The following CNTNAP5 variants were observed in gnomAD, a reference collection of about 807,000 sequenced individuals.
CNTNAP5 encodes contactin associated protein family member 5.
Under a neutral mutation model 150.2 loss-of-function variants are expected in CNTNAP5, and 72 were observed. That is an observed-to-expected ratio of 0.48 (90% CI 0.40 to 0.58). The LOEUF (loss-of-function observed/expected upper bound fraction) is 0.58, where lower values mean the gene tolerates loss of function less well. Among genes scored for constraint, CNTNAP5 ranks in the 20% least tolerant of loss-of-function variants. The pLI, the probability that CNTNAP5 is intolerant of heterozygous loss-of-function variation, is 0.00. For synonymous variants in CNTNAP5, 672 were observed against 619.8 expected, an observed-to-expected ratio of 1.08 and a Z score of -1.25; for missense variants, 1,636 against 1,626.2, an observed-to-expected ratio of 1.01 and a Z score of -0.10.
intron 6 of CNTNAP5, among the ~76,000 whole-genome samples, chr2:124,464,496 A>G (rs185745334): frequency 6.6e-6 from 1 of 152,302 alleles, no homozygotes; most frequent in Non-Finnish European, 1.5e-5. Flanking sequence ...CGAAGCAAAA[A>G]TAAGGCATGA....
intron 13 of CNTNAP5, among the ~76,000 whole-genome samples, chr2:124,734,045 A>G (rs1468363663): frequency 2.0e-4 from 30 of 152,162 alleles, no homozygotes; most frequent in Admixed American, 1.8e-3. Context: ...CGTTTGAGGT[A>G]CTCATGGAGC....
chr2:124,571,484 T>C lies in CNTNAP5; in HGVS notation c.1756+8161T>C, dbSNP rs1030778950. Among the ~76,000 whole-genome samples, 6 of 150,892 alleles carry C rather than the reference T, an allele frequency of 4.0e-5. No individual in the cohort carries two copies. The East Asian group carries it at 1.2e-3, about 30-fold the overall frequency. On this transcript the variant is annotated intron_variant, in intron 11 of 23. Coordinates refer to ENST00000682447, the MANE Select transcript of CNTNAP5 (RefSeq NM_001367498.1). ...CAGGAATAGACTATTCACAGAGATG[T>C]CTAGGTACATGGTATCCCACTGAGT... is the stretch of plus-strand genomic sequence containing the variant.
chr2:124,841,904 A>G (rs1682952384), intron 19 of CNTNAP5, among the ~76,000 whole-genome samples: 1 of 152,068 alleles, frequency 6.6e-6, no homozygotes, highest in African/African-American at 2.4e-5. Flanking sequence ...GTGACCCAAT[A>G]TTTCTGTAAA....
intron 13 of CNTNAP5, among the ~76,000 whole-genome samples, chr2:124,740,519 A>T (rs897638212): frequency 1.3e-5 from 2 of 152,184 alleles, no homozygotes; most frequent in African/African-American, 4.8e-5. Context: ...TTGGGTTTAT[A>T]TAAATCACAT....
At chr2:124,433,635 TA>T (rs1246938554) in intron 4 of CNTNAP5, among the ~76,000 whole-genome samples, 2 of 152,080 alleles carry the variant, frequency 1.3e-5, no homozygotes, top group African/African-American at 4.8e-5. Context: ...AATTTGTAAT[TA>T]AACAGTCTTA....
chr2:124,857,062 A>C (rs1044703911), intron 19 of CNTNAP5, among the ~76,000 whole-genome samples: 8 of 152,116 alleles, frequency 5.3e-5, no homozygotes, highest in Non-Finnish European at 1.0e-4. Context: ...TGAAGGGGCA[A>C]ATGGTTTCCA....
intron 11 of CNTNAP5, among the ~76,000 whole-genome samples, chr2:124,585,044 C>T (rs544379176): frequency 1.3e-5 from 2 of 152,132 alleles, no homozygotes; most frequent in African/African-American, 2.4e-5. Flanking sequence ...CTTCAGGAAC[C>T]GTGCTTAAGT....
intron 19 of CNTNAP5, among the ~76,000 whole-genome samples, chr2:124,804,562 G>A (rs1038148411): frequency 1.3e-5 from 2 of 152,184 alleles, no homozygotes; most frequent in East Asian, 3.9e-4. Context: ...GCCCTAATCC[G>A]ACAGGATTAG....
At chr2:124,165,053 G>A (rs1475262335) in intron 1 of CNTNAP5, among the ~76,000 whole-genome samples, 1 of 152,186 alleles carries the variant, frequency 6.6e-6, no homozygotes, top group Non-Finnish European at 1.5e-5. Flanking sequence ...CTTAATGTCT[G>A]TGTACATGTG....
Position 124,860,444 on chromosome 2 carries a change from C to T in CNTNAP5, c.3218-4862C>T, listed in dbSNP as rs867050420. On this transcript the variant is annotated intron_variant, in intron 19 of 23. Coordinates refer to ENST00000682447, the MANE Select transcript of CNTNAP5 (RefSeq NM_001367498.1). ...CCTTCCTTCCTTCCTTCCTTCCTTC[C>T]TTCCTTCTTTCCTTCCTTCCTTCCT... Among the ~76,000 whole-genome samples, 211 of 112,122 alleles carry T rather than the reference C, an allele frequency of 1.9e-3. 2 individuals are homozygous for T. Among genetic ancestry groups the T allele is most frequent in the African/African-American group, 9.7e-3 (200 of 20,522 alleles). 73.6% of individuals were successfully genotyped at this position (112,122 alleles called of 152,430 possible).
In CNTNAP5 at chr2:124,920,526, G is replaced by A. The variant is rs1410497210; in HGVS notation, c.*6238G>A. On this transcript the variant is annotated 3_prime_UTR_variant, in exon 24 of 24. Transcript: ENST00000682447. ...ACCAAACTTTGCTTAAAGCAGCATA[G>A]TTACATTGAGAAAGAGACTGCCTTT... Among the ~76,000 whole-genome samples, 1 of 152,116 alleles carries A rather than the reference G, an allele frequency of 6.6e-6. No homozygotes were observed. Among genetic ancestry groups the A allele is most frequent in the African/African-American group, 2.4e-5 (1 of 41,432 alleles).
chr2:124,568,173 C>T (rs948983215), intron 11 of CNTNAP5, among the ~76,000 whole-genome samples: 6 of 152,052 alleles, frequency 3.9e-5, no homozygotes, highest in South Asian at 2.1e-4. Context: ...TTGCTTAAGA[C>T]GCAGTAGAAT....
At chr2:124,639,236 C>T (rs1678039616) in intron 12 of CNTNAP5, among the ~76,000 whole-genome samples, 1 of 152,122 alleles carries the variant, frequency 6.6e-6, no homozygotes, top group South Asian at 2.1e-4. Flanking sequence ...GTAAATGCGA[C>T]GAGCACGGGA....
intron 3 of CNTNAP5, among the ~76,000 whole-genome samples, chr2:124,298,459 T>C (rs1688494818): frequency 6.6e-6 from 1 of 152,186 alleles, no homozygotes; most frequent in Non-Finnish European, 1.5e-5. Flanking sequence ...CTAAGCTATA[T>C]ATCTATGTGT....
intron 8 of CNTNAP5, among the ~76,000 whole-genome samples, chr2:124,505,731 T>C (rs180917891): frequency 6.6e-6 from 1 of 152,148 alleles, no homozygotes; most frequent in African/African-American, 2.4e-5. Context: ...CAATCTCTGA[T>C]GTCCTTCAAG....
chr2:124,884,066 T>C (rs948684758), intron 21 of CNTNAP5, among the ~76,000 whole-genome samples: 4 of 152,124 alleles, frequency 2.6e-5, no homozygotes, highest in East Asian at 1.9e-4. Flanking sequence ...TGTATATGTG[T>C]ATGTGCATAT....
chr2:124,897,111 A>G lies in CNTNAP5; in HGVS notation c.3437-5771A>G, dbSNP rs1678322277. Among the ~76,000 whole-genome samples, 2 of 151,494 alleles carry G rather than the reference A, an allele frequency of 1.3e-5. 1 individual carries two copies. The highest frequency in any genetic ancestry group is 4.9e-5 in the African/African-American group (2 of 40,866). On this transcript the variant is annotated intron_variant, in intron 21 of 23. Transcript: ENST00000682447. ...TGTTCCACGAACCATCTATATCATA[A>G]TTACCTGAAAATGTGTTCTTTAAAT...
At chr2:124,431,217 T>C (rs1692370695) in intron 4 of CNTNAP5, among the ~76,000 whole-genome samples, 2 of 152,130 alleles carry the variant, frequency 1.3e-5, no homozygotes, top group African/African-American at 4.8e-5. Flanking sequence ...ATTTGTATCC[T>C]CAGTTAAGTC....
chr2:124,125,487 A>T (rs774852369), intron 1 of CNTNAP5, among the ~76,000 whole-genome samples: 15 of 152,320 alleles, frequency 9.8e-5, no homozygotes, highest in Non-Finnish European at 1.9e-4. Context: ...GCCCACTGTC[A>T]ACATTAGACA....
Sources: gnomAD v4.1 joint callset for allele counts (sites outside exome capture counted in the v4.1 genomes callset) on GRCh38, gnomAD v4.1.1 for gene constraint, MANE v1.5 for transcripts, NCBI Gene and HGNC (gene_info 2026-07-23, HGNC 2026-07-21) for gene names.